DNAH7: variants seen among roughly 807,000 people sequenced by gnomAD.
The protein encoded by DNAH7 is axonemal beta dynein heavy chain 7.
DNAH7 carries 397 observed loss-of-function variants against 444.6 expected under a neutral mutation model. That is an observed-to-expected ratio of 0.89 (90% CI 0.82 to 0.97). DNAH7 has a LOEUF of 0.97. Among genes scored for constraint, DNAH7 ranks in the 50% least tolerant of loss-of-function variants. DNAH7 has a pLI of 0.00. For synonymous variants in DNAH7, 1,636 were observed against 1,624.4 expected, an observed-to-expected ratio of 1.01 and a Z score of -0.17; for missense variants, 4,902 against 4,800.8, an observed-to-expected ratio of 1.02 and a Z score of -0.62.
intron 23 of DNAH7, among the ~76,000 whole-genome samples, 181 bp downstream of exon 23, chr2:195,923,414 C>G (rs988619794): frequency 2.0e-5 from 3 of 152,096 alleles, no homozygotes; most frequent in Non-Finnish European, 2.9e-5. Context: ...GATATCAATA[C>G]AGATGACATA....
At chr2:195,943,031 C>T (rs1689564927) in intron 19 of DNAH7, among the ~76,000 whole-genome samples, 1 of 152,120 alleles carries the variant, frequency 6.6e-6, no homozygotes, top group African/African-American at 2.4e-5. Flanking sequence ...GTGAATAAGT[C>T]TCATGAGATC....
At chr2:195,804,750 AG>A (rs1363973272) in intron 54 of DNAH7, among the ~76,000 whole-genome samples, 1 of 152,216 alleles carries the variant, frequency 6.6e-6, no homozygotes, top group Non-Finnish European at 1.5e-5. Flanking sequence ...TATTGGTCAA[AG>A]TAAGATGTAT....
chr2:195,755,049 A>AT (rs1694004702), intron 62 of DNAH7, among the ~76,000 whole-genome samples: 1 of 152,208 alleles, frequency 6.6e-6, no homozygotes, highest in African/African-American at 2.4e-5. Context: ...ATGCCCCATG[A>AT]TTCTTTCAGA....
chr2:196,025,688 G>A (rs1695638063), intron 7 of DNAH7, among the ~76,000 whole-genome samples: 1 of 151,960 alleles, frequency 6.6e-6, no homozygotes, highest in South Asian at 2.1e-4. Flanking sequence ...TTCCTCTTTG[G>A]ACTTATTACT....
At chr2:196,035,225 A>G (rs1267056991) in intron 5 of DNAH7, among the ~76,000 whole-genome samples, 1 of 152,186 alleles carries the variant, frequency 6.6e-6, no homozygotes, top group African/African-American at 2.4e-5. Flanking sequence ...ACAGGAGGAA[A>G]TCTTTGAGAA....
intron 54 of DNAH7, among the ~76,000 whole-genome samples, chr2:195,804,472 T>C (rs1287648469): frequency 1.3e-5 from 2 of 152,208 alleles, no homozygotes; most frequent in African/African-American, 2.4e-5. Flanking sequence ...TAGTTAATTG[T>C]ATCACCACGA....
At chr2:195,984,373 G>C (rs1692769997) in intron 15 of DNAH7, among the ~76,000 whole-genome samples, 1 of 152,010 alleles carries the variant, frequency 6.6e-6, no homozygotes, top group African/African-American at 2.4e-5. Context: ...TTTTGAGACA[G>C]AGTATTGCTG....
chr2:195,774,029 A>G (rs1694958949), intron 60 of DNAH7, among the ~76,000 whole-genome samples: 1 of 152,232 alleles, frequency 6.6e-6, no homozygotes, highest in African/African-American at 2.4e-5. Context: ...ACCCATAACT[A>G]TAATTGTATT....
At chr2:195,975,126 C>A (rs887270785) in intron 15 of DNAH7, among the ~76,000 whole-genome samples, 1 of 152,134 alleles carries the variant, frequency 6.6e-6, no homozygotes, top group African/African-American at 2.4e-5. Flanking sequence ...CCAAAAGCAC[C>A]TTCATGAAAA....
At chr2:195,844,657 AC>A (rs1698878757) in intron 47 of DNAH7, among the ~76,000 whole-genome samples, 1 of 152,220 alleles carries the variant, frequency 6.6e-6, no homozygotes, top group African/African-American at 2.4e-5. Flanking sequence ...CACCAATGAC[AC>A]ACTAATGCAC....
intron 12 of DNAH7, among the ~76,000 whole-genome samples, chr2:195,988,879 C>T (rs999519340): frequency 9.2e-5 from 14 of 152,264 alleles, no homozygotes; most frequent in Admixed American, 4.6e-4. Flanking sequence ...CACTACTCTA[C>T]TCTTTATTTC....
chr2:195,861,114 A>T (rs1699991076), intron 42 of DNAH7, among the ~76,000 whole-genome samples: 1 of 152,168 alleles, frequency 6.6e-6, no homozygotes, highest in African/African-American at 2.4e-5. Flanking sequence ...CTTTAAAGGT[A>T]ACCACTAAAA....
intron 2 of DNAH7, among the ~76,000 whole-genome samples, chr2:196,054,135 C>G (rs927755301): frequency 6.6e-6 from 1 of 152,210 alleles, no homozygotes; most frequent in Non-Finnish European, 1.5e-5. Flanking sequence ...AAATCTAGCC[C>G]TTTAAGACCA....
intron 19 of DNAH7, among the ~76,000 whole-genome samples, chr2:195,954,620 T>C (rs1274244886): frequency 2.6e-5 from 4 of 152,260 alleles, no homozygotes; most frequent in Non-Finnish European, 5.9e-5. Context: ...TCCACAATGG[T>C]TGAACTAGTT....
At position 195,775,831 on chromosome 2, in the gene DNAH7, A is replaced by G. The variant is rs1695034852; in HGVS notation, c.11202+15T>C. On this transcript the variant is annotated intron_variant, in intron 60 of 64. Coordinates refer to ENST00000312428, the MANE Select transcript of DNAH7 (RefSeq NM_018897.3). ...TCCCAGGCCTCAGAATCCAGGTCCT[A>G]TACAGATCACACACCTGTGTAAGAA... 2.5e-6 allele frequency: 4 copies of G among 1,613,082 alleles called. No individual in the cohort carries two copies. The highest frequency in any genetic ancestry group is 3.4e-6 in the Non-Finnish European group (4 of 1,179,432).
chr2:196,061,500 T>C (rs754140952), intron 1 of DNAH7, among the ~76,000 whole-genome samples: 14 of 152,186 alleles, frequency 9.2e-5, no homozygotes, highest in Non-Finnish European at 1.9e-4. Flanking sequence ...ACTCAGTAAA[T>C]GGCATCACCA....
intron 53 of DNAH7, 80 bp from the exon 54 acceptor site, chr2:195,806,912 G>T: frequency 9.7e-7 from 1 of 1,035,234 alleles, no homozygotes. Context: ...CCAACTTTTA[G>T]AATATATAAA....
chr2:195,957,413 TCTC>T lies in DNAH7; in HGVS notation c.2923_2925del (p.Glu975del), dbSNP rs1690745728. The T allele has an allele frequency of 6.3e-7, 1 of 1,591,900 alleles. No homozygotes were observed. Among genetic ancestry groups the T allele is most frequent in the African/African-American group, 1.3e-5 (1 of 74,506 alleles). On this transcript the variant is annotated inframe_deletion, in exon 19 of 65. Transcript: ENST00000312428. ...TGGACTTTGAGCCATTCATCCAGAA[TCTC>T]CTGAAGCAGTAGGAGCTTGCCCTCC...
intron 9 of DNAH7, among the ~76,000 whole-genome samples, chr2:196,018,911 C>A (rs1428654127): frequency 2.6e-5 from 4 of 151,996 alleles, no homozygotes; most frequent in Non-Finnish European, 5.9e-5. Flanking sequence ...CATGCCTCTA[C>A]CAAAATATCT....
Sources: gnomAD v4.1 joint callset for allele counts (sites outside exome capture counted in the v4.1 genomes callset) on GRCh38, gnomAD v4.1.1 for gene constraint, MANE v1.5 for transcripts, NCBI Gene and HGNC (gene_info 2026-07-23, HGNC 2026-07-21) for gene names.